The following PACS1 variants were observed in gnomAD, a reference collection of about 807,000 sequenced individuals.
The protein encoded by PACS1 is PACS-1.
Under a neutral mutation model 115.0 loss-of-function variants are expected in PACS1, and 24 were observed. The ratio of observed to expected loss-of-function variants is 0.21; its 90% CI spans 0.15 to 0.29. The LOEUF is 0.29. Among genes scored for constraint, PACS1 ranks in the 10% least tolerant of loss-of-function variants. The pLI is 1.00. For missense variants in PACS1, 838 were observed against 1,251.2 expected (o/e 0.67, Z 4.98); for synonymous variants, 453 against 504.5 (o/e 0.90, Z 1.37).
chr11:66,086,161 G>T, intron 1 of PACS1, among the ~76,000 whole-genome samples: 1 of 140,292 alleles, frequency 7.1e-6, no homozygotes, highest in African/African-American at 2.7e-5. Context: ...TTTTTGAGAC[G>T]GAGTCTCGCT....
At chr11:66,204,834 C>G (rs919801002) in intron 2 of PACS1, among the ~76,000 whole-genome samples, 2 of 152,144 alleles carry the variant, frequency 1.3e-5, no homozygotes, top group East Asian at 3.9e-4. Flanking sequence ...GATACAAAAA[C>G]ATAGAATGAA....
chr11:66,241,077 A>ATG lies in PACS1; in HGVS notation c.2430-334_2430-333dup, dbSNP rs541074261. 3.4e-4 allele frequency: 56 copies of ATG among 162,886 alleles called. 1 individual carries two copies. The highest frequency in any genetic ancestry group is 2.3e-3 in the South Asian group (13 of 5,730). 10.1% of individuals were successfully genotyped at this position (162,886 alleles called of 1,614,324 possible). On this transcript the variant is annotated intron_variant, in intron 21 of 23. Transcript: ENST00000320580. ...CCCAGGCTTTGCCTGCTGGGCGTGT[A>ATG]TGTGTGTGTGTGTGTGTTATATGTG...
At chr11:66,098,956 A>G (rs547201126) in intron 1 of PACS1, among the ~76,000 whole-genome samples, 8 of 152,164 alleles carry the variant, frequency 5.3e-5, no homozygotes, top group Non-Finnish European at 1.2e-4. Context: ...GTTGGCCCTC[A>G]TCACCTGCTC....
chr11:66,120,165 T>TG (rs35285360), intron 1 of PACS1, among the ~76,000 whole-genome samples: 1 of 151,332 alleles, frequency 6.6e-6, no homozygotes, highest in African/African-American at 2.4e-5. Flanking sequence ...TTTTTTTTTT[T>TG]GAGACAGAGT....
chr11:66,222,469 G>A (rs974082620), intron 10 of PACS1, among the ~76,000 whole-genome samples: 1 of 152,180 alleles, frequency 6.6e-6, no homozygotes, highest in East Asian at 1.9e-4. Flanking sequence ...ACAGGCAGGG[G>A]TGGGTGTGAG....
intron 1 of PACS1, among the ~76,000 whole-genome samples, chr11:66,166,956 T>C (rs1040357620): frequency 4.7e-5 from 7 of 150,470 alleles, no homozygotes; most frequent in Middle Eastern, 6.8e-3. Flanking sequence ...TGCTGGATCA[T>C]GGACTTCACA....
At chr11:66,220,186 T>C in intron 8 of PACS1, 1 of 332,840 alleles carries the variant, frequency 3.0e-6, no homozygotes, top group Non-Finnish European at 5.7e-6. Context: ...TGGTCAGCCC[T>C]GGAATAACCA....
rs771425983 is a variant in PACS1 at position 66,227,593 on chromosome 11, G to A, written c.1374+9G>A. On this transcript the variant is annotated intron_variant, in intron 11 of 23. Transcript: ENST00000320580. ...CTGAAACAGACACTCTGGTATGTAT[G>A]GGTCAGTTTCCTGTTTCAGCTGTTT... 2 of 1,564,944 alleles carry A rather than the reference G, an allele frequency of 1.3e-6. No homozygotes were observed. The highest frequency in any genetic ancestry group is 2.3e-5 in the South Asian group (2 of 87,618).
chr11:66,231,972 A>G, intron 13 of PACS1, 200 bp from the exon 14 acceptor site: 1 of 544,450 alleles, frequency 1.8e-6, no homozygotes, highest in Non-Finnish European at 3.3e-6. Context: ...TGTGTCCTCT[A>G]AGGACTCGCT....
chr11:66,122,151 C>A (rs1393314429), intron 1 of PACS1, among the ~76,000 whole-genome samples: 1 of 152,142 alleles, frequency 6.6e-6, no homozygotes, highest in Non-Finnish European at 1.5e-5. Context: ...AATTCTAGAG[C>A]CCTTAAAAAT....
chr11:66,243,364 C>A lies in PACS1; in HGVS notation c.*84C>A. 1 of 872,666 alleles carries A rather than the reference C, an allele frequency of 1.1e-6. No homozygotes were observed. The highest frequency in any genetic ancestry group is 1.8e-6 in the Non-Finnish European group (1 of 553,108). The allele number at this position is 872,666 out of a possible 1,614,324, so 54.1% of individuals were successfully genotyped here. A position where few individuals can be genotyped will look rare whatever the true frequency, so the allele number is the denominator to read the frequency against. The stretch of plus-strand genomic sequence containing the variant: ...GCAGGGGGAGGCCAGCAGGCCCGGG[C>A]CCAGCACCCCTTCCCTGGCACCAGG... On this transcript the variant is annotated 3_prime_UTR_variant, in exon 24 of 24. Transcript: ENST00000320580.
intron 1 of PACS1, among the ~76,000 whole-genome samples, chr11:66,074,973 C>T (rs1320020307): frequency 5.4e-5 from 6 of 110,180 alleles, no homozygotes; most frequent in East Asian, 2.7e-4. Context: ...GATGGAGTCT[C>T]GCTCTGTCGC....
rs1036338542 is a variant in PACS1 at position 66,220,754 on chromosome 11, A to G, written c.1162A>G (p.Thr388Ala). 1.2e-6 allele frequency: 2 copies of G among 1,613,862 alleles called. No homozygotes were observed. The highest frequency in any genetic ancestry group is 2.7e-5 in the African/African-American group (2 of 74,812). ...CGACAGTGGCCCTGAGATGGAGGAG[A>G]CAGAAAGCATCCTCAGCACGCCAAA... ...PSDSGPEMEE[T>A]ESILSTPKPK... The change falls in exon 9 of 24, where the codon ACA (threonine) becomes GCA (alanine). Residue 388 changes from threonine to alanine, a missense_variant. Transcript: ENST00000320580.
rs1265351625 is a variant in PACS1 at position 66,239,188 on chromosome 11, A to G, written c.2340A>G (p.Thr780=). Reference sequence around the variant, plus strand: ...TGGTCAGCCTTACTGTGCCCTCCACATCACCACCCTCCAGCTCGGGCCTGA... The same window carrying G: ...TGGTCAGCCTTACTGTGCCCTCCACGTCACCACCCTCCAGCTCGGGCCTGA... The part of the protein sequence containing the change: ...SPVVSLTVPS[T]SPPSSSGLSR... The change falls in exon 21 of 24, where the codon ACA becomes ACG. Residue 780 remains threonine (T), a synonymous_variant. Transcript: ENST00000320580. The G allele has an allele frequency of 6.2e-7, 1 of 1,614,144 alleles. No individual in the cohort carries two copies. The highest frequency in any genetic ancestry group is 2.2e-5 in the East Asian group (1 of 44,878).
At chr11:66,167,393 G>T (rs1200364141) in intron 1 of PACS1, among the ~76,000 whole-genome samples, 1 of 134,612 alleles carries the variant, frequency 7.4e-6, no homozygotes, top group East Asian at 2.1e-4. Flanking sequence ...CTGGAGTGCA[G>T]TCATAGCTCA....
At chr11:66,230,178 A>G (rs1855559866) in intron 11 of PACS1, among the ~76,000 whole-genome samples, 1 of 150,536 alleles carries the variant, frequency 6.6e-6, no homozygotes, top group Admixed American at 6.6e-5. Context: ...GAATGGGGCT[A>G]TGGCCCTCCC....
At chr11:66,142,634 A>G (rs1859021283) in intron 1 of PACS1, among the ~76,000 whole-genome samples, 1 of 151,900 alleles carries the variant, frequency 6.6e-6, no homozygotes, top group African/African-American at 2.4e-5. Flanking sequence ...AAAAAAAAAA[A>G]AAAAAAAGAG....
intron 1 of PACS1, among the ~76,000 whole-genome samples, chr11:66,112,992 G>A (rs484983): frequency 0.47 from 70,850 of 152,032 alleles, 18,026 homozygotes; most frequent in South Asian, 0.63. Flanking sequence ...TGAAATTCTA[G>A]GAAGGGCATT....
intron 2 of PACS1, among the ~76,000 whole-genome samples, chr11:66,203,071 A>G (rs1051258792): frequency 2.6e-5 from 4 of 152,138 alleles, no homozygotes; most frequent in African/African-American, 4.8e-5. Context: ...AAATCAAATT[A>G]TCCTTGTTTG....
Sources: gnomAD v4.1 joint callset for allele counts (sites outside exome capture counted in the v4.1 genomes callset) on GRCh38, gnomAD v4.1.1 for gene constraint, MANE v1.5 for transcripts, NCBI Gene and HGNC (gene_info 2026-07-23, HGNC 2026-07-21) for gene names.